The following LTBP1 variants were observed in gnomAD, a reference collection of about 807,000 sequenced individuals.
The protein encoded by LTBP1 is latent transforming growth factor beta binding protein 1, also known as latent-transforming growth factor beta-binding protein 1.
A neutral mutation model predicts 207.6 loss-of-function variants in LTBP1; 129 were observed. The observed-to-expected ratio is 0.62, with a 90% confidence interval of 0.54 to 0.72. The LOEUF is 0.72. Ranked by LOEUF, LTBP1 falls within the 30% of genes least tolerant of loss-of-function variation. The pLI, the probability that LTBP1 is intolerant of heterozygous loss-of-function variation, is 0.00. For synonymous variants in LTBP1, 963 were observed against 833.7 expected (o/e 1.16, Z -2.67); for missense variants, 2,281 against 2,217.2 (o/e 1.03, Z -0.58).
At chr2:33,100,756 T>C (rs2079684691) in intron 3 of LTBP1, among the ~76,000 whole-genome samples, 2 of 152,210 alleles carry the variant, frequency 1.3e-5, no homozygotes, top group African/African-American at 4.8e-5. Context: ...TAAATCTGCC[T>C]ATTTCAGAGA....
At chr2:33,274,848 C>T in intron 16 of LTBP1, 117 bp from the exon 17 acceptor site, 4 of 925,186 alleles carry the variant, frequency 4.3e-6, no homozygotes, top group Non-Finnish European at 6.6e-6. Context: ...TTGCTGTTGT[C>T]CTCAGTTATA....
At chr2:33,324,929 T>C (rs1032835905) in intron 24 of LTBP1, among the ~76,000 whole-genome samples, 2 of 152,152 alleles carry the variant, frequency 1.3e-5, no homozygotes, top group African/African-American at 4.8e-5. Context: ...ATGGTCTCTA[T>C]CTTCTGACCT....
chr2:32,948,925 GCTCCC>G lies in LTBP1; in HGVS notation c.546_550del (p.Ser183GlufsTer6). The G allele has an allele frequency of 6.2e-7, 1 of 1,614,186 alleles. No individual in the cohort carries two copies. The highest frequency in any genetic ancestry group is 8.5e-7 in the Non-Finnish European group (1 of 1,180,026). Reference sequence around the variant, plus strand: ...TGTCATGGCTGGAGTAAGGCCCCTGGCTCCCAGAGGTGCACCAAACGTAAGTTGCC... The same window carrying G: ...TGTCATGGCTGGAGTAAGGCCCCTGGAGAGGTGCACCAAACGTAAGTTGCC... On this transcript the variant is annotated frameshift_variant, in exon 2 of 34. Transcript: ENST00000404816. LOFTEE classifies it high-confidence loss of function.
At chr2:33,308,800 A>T (rs948194008) in intron 22 of LTBP1, among the ~76,000 whole-genome samples, 1 of 152,162 alleles carries the variant, frequency 6.6e-6, no homozygotes, top group African/African-American at 2.4e-5. Flanking sequence ...AAAACTTTTA[A>T]ATTTTTTTCT....
Position 33,262,714 on chromosome 2 carries a change from C to A in LTBP1, c.2419-8C>A, listed in dbSNP as rs773348386. The A allele has an allele frequency of 6.8e-7, 1 of 1,465,198 alleles. No individual in the cohort carries two copies. The allele number at this position is 1,465,198 out of a possible 1,614,324, so 90.8% of individuals were successfully genotyped here. ...TTTCTTATTCTCTTTTAAAATACAACCATCCAGGAAATACCTTCATTGGAT... is the reference window on the plus strand; with the variant it reads ...TTTCTTATTCTCTTTTAAAATACAAACATCCAGGAAATACCTTCATTGGAT... On this transcript the variant is annotated splice_polypyrimidine_tract_variant and splice_region_variant and intron_variant, in intron 13 of 33. Transcript: ENST00000404816.
intron 19 of LTBP1, among the ~76,000 whole-genome samples, chr2:33,289,407 T>C (rs1356106489): frequency 6.6e-6 from 1 of 152,242 alleles, no homozygotes; most frequent in African/African-American, 2.4e-5. Context: ...TTGTCCAGGC[T>C]GGAGTACAAC....
intron 31 of LTBP1, among the ~76,000 whole-genome samples, chr2:33,385,133 A>G (rs1196366328): frequency 1.3e-5 from 2 of 152,222 alleles, no homozygotes; most frequent in Admixed American, 1.3e-4. Context: ...TTCATACTTT[A>G]TCACTGCACA....
intron 3 of LTBP1, among the ~76,000 whole-genome samples, chr2:33,078,376 T>C (rs77686743): frequency 0.014 from 2,088 of 152,324 alleles, 21 homozygotes; most frequent in Non-Finnish European, 0.02. Flanking sequence ...CAACCAACTA[T>C]GAATTTTGAA....
chr2:33,131,425 T>C (rs1049711420), intron 4 of LTBP1, among the ~76,000 whole-genome samples: 1 of 152,202 alleles, frequency 6.6e-6, no homozygotes, highest in Admixed American at 6.5e-5. Context: ...CTTTTTACAC[T>C]ATACCCTAAA....
intron 3 of LTBP1, among the ~76,000 whole-genome samples, chr2:33,090,885 G>A (rs1236987745): frequency 3.3e-5 from 5 of 152,230 alleles, no homozygotes; most frequent in Non-Finnish European, 7.3e-5. Flanking sequence ...TTACCTTGTT[G>A]AGTCAGTTTT....
chr2:32,972,812 C>T (rs1001830952), intron 2 of LTBP1, among the ~76,000 whole-genome samples: 3 of 152,162 alleles, frequency 2.0e-5, no homozygotes, highest in African/African-American at 7.2e-5. Context: ...CCTTCACTTT[C>T]TGTCATAATT....
chr2:33,009,491 TTTCAGC>T, intron 2 of LTBP1, among the ~76,000 whole-genome samples: 2 of 152,128 alleles, frequency 1.3e-5, no homozygotes, highest in Admixed American at 6.5e-5. Context: ...AAAGGGGATA[TTTCAGC>T]ATAAGCATAT....
intron 24 of LTBP1, among the ~76,000 whole-genome samples, chr2:33,330,309 A>G (rs987346163): frequency 2.0e-5 from 3 of 152,034 alleles, no homozygotes; most frequent in African/African-American, 7.2e-5. Context: ...TATGTTGTAT[A>G]AGTAATGCTA....
chr2:33,232,917 CAA>C (rs2091868602), intron 9 of LTBP1, among the ~76,000 whole-genome samples: 2 of 152,188 alleles, frequency 1.3e-5, no homozygotes, highest in Non-Finnish European at 2.9e-5. Flanking sequence ...TACATTATAC[CAA>C]AGTCTTCTGA....
At chr2:33,361,307 C>G in intron 27 of LTBP1, 122 bp from the exon 28 acceptor site, 1 of 556,864 alleles carries the variant, frequency 1.8e-6, no homozygotes, top group Non-Finnish European at 3.2e-6. Flanking sequence ...TGAGATTGTA[C>G]TAAATTTATT....
intron 3 of LTBP1, chr2:33,056,323 T>G: frequency 9.1e-7 from 1 of 1,094,752 alleles, no homozygotes; most frequent in Non-Finnish European, 1.2e-6. Flanking sequence ...TTGTTTTGTT[T>G]TGTTTGCATT....
chr2:32,988,535 G>T (rs984412792), intron 2 of LTBP1, among the ~76,000 whole-genome samples: 4 of 152,148 alleles, frequency 2.6e-5, no homozygotes, highest in African/African-American at 9.7e-5. Context: ...TATTTCATTG[G>T]GAAATCTCTA....
At chr2:32,962,317 G>A (rs534796807) in intron 2 of LTBP1, among the ~76,000 whole-genome samples, 47 of 152,258 alleles carry the variant, frequency 3.1e-4, no homozygotes, top group African/African-American at 1.1e-3. Flanking sequence ...TTTCAAGAGA[G>A]CCCTGTTTCT....
chr2:33,155,158 C>A (rs1470750715), intron 5 of LTBP1, among the ~76,000 whole-genome samples: 1 of 151,994 alleles, frequency 6.6e-6, no homozygotes, highest in Middle Eastern at 3.2e-3. Flanking sequence ...AGATTATTAT[C>A]ATTATTATTA....
Sources: gnomAD v4.1 joint callset for allele counts (sites outside exome capture counted in the v4.1 genomes callset) on GRCh38, gnomAD v4.1.1 for gene constraint, MANE v1.5 for transcripts, NCBI Gene and HGNC (gene_info 2026-07-23, HGNC 2026-07-21) for gene names.